RFC4: variants seen among roughly 807,000 people sequenced by gnomAD.
RFC4 encodes A1 37 kDa subunit.
RFC4 carries 38 observed loss-of-function variants against 47.6 expected under a neutral mutation model. The observed-to-expected ratio is 0.80, with a 90% confidence interval of 0.62 to 1.05. RFC4 has a LOEUF of 1.05. Ranked by LOEUF, RFC4 falls within the 50% of genes least tolerant of loss-of-function variation. The pLI, the probability that RFC4 is intolerant of heterozygous loss-of-function variation, is 0.00. For missense variants in RFC4, 489 were observed against 434.0 expected (o/e 1.13, Z -1.13); for synonymous variants, 164 against 150.0 (o/e 1.09, Z -0.68).
intron 8 of RFC4, among the ~76,000 whole-genome samples, chr3:186,790,720 G>C (rs761482549): frequency 3.9e-5 from 6 of 152,202 alleles, no homozygotes; most frequent in Non-Finnish European, 5.9e-5. Context: ...CGATTCCTCA[G>C]AACAGTGGCC....
chr3:186,797,258 A>C (rs997750797), intron 4 of RFC4, among the ~76,000 whole-genome samples: 9 of 152,228 alleles, frequency 5.9e-5, no homozygotes, highest in Non-Finnish European at 1.0e-4. Flanking sequence ...TCTGGACTCC[A>C]AAGTTATAAT....
At chr3:186,790,464 CTGCCAACTGGCCCCCG>C in intron 8 of RFC4, 58 bp from the exon 9 acceptor site, 1 of 1,214,954 alleles carries the variant, frequency 8.2e-7, no homozygotes, top group South Asian at 1.2e-5. Context: ...GACATACACT[CTGCCAACTGGCCCCCG>C]TGCCCCCAGT....
At chr3:186,797,991 A>G (rs1248286548) in intron 3 of RFC4, among the ~76,000 whole-genome samples, 1 of 152,222 alleles carries the variant, frequency 6.6e-6, no homozygotes, top group South Asian at 2.1e-4. Context: ...TATATTACAC[A>G]AAATGTCAGC....
chr3:186,804,504 TAAAAAA>T, intron 2 of RFC4, 73 bp downstream of exon 2: 1 of 1,192,382 alleles, frequency 8.4e-7, no homozygotes, highest in Non-Finnish European at 1.2e-6. Context: ...CTCCATAAGT[TAAAAAA>T]AAAAAAAAGT....
intron 3 of RFC4, 66 bp from the exon 4 acceptor site, chr3:186,797,680 GA>G: frequency 4.4e-6 from 5 of 1,126,456 alleles, no homozygotes; most frequent in South Asian, 4.0e-5. Context: ...AAGGAAGATC[GA>G]AAAAAATGTC....
intron 3 of RFC4, among the ~76,000 whole-genome samples, chr3:186,799,252 A>T (rs1722303692): frequency 6.6e-6 from 1 of 152,242 alleles, no homozygotes. Flanking sequence ...CAGTTCTTAA[A>T]ATCAATTTCT....
intron 7 of RFC4, among the ~76,000 whole-genome samples, 160 bp downstream of exon 7, chr3:186,792,330 G>GT (rs1722158415): frequency 1.3e-5 from 2 of 152,292 alleles, no homozygotes; most frequent in South Asian, 4.1e-4. Context: ...GCTAAACCTT[G>GT]TAATTCCTAC....
chr3:186,803,653 G>A (rs151030698), intron 2 of RFC4, among the ~76,000 whole-genome samples: 1,550 of 150,192 alleles, frequency 0.01, 24 homozygotes, highest in East Asian at 0.072. Context: ...ACAGGTGCCC[G>A]CCAACATGCC....
At position 186,796,649 on chromosome 3, in the gene RFC4, T is replaced by G. The variant is rs893670964; in HGVS notation, c.290+886A>C. Among the ~76,000 whole-genome samples, 5 of 152,112 alleles carry G rather than the reference T, an allele frequency of 3.3e-5. No homozygotes were observed. The highest frequency in any genetic ancestry group is 7.4e-5 in the Non-Finnish European group (5 of 68,000). On this transcript the variant is annotated intron_variant, in intron 4 of 10. Coordinates refer to ENST00000296273, the MANE Select transcript of RFC4 (RefSeq NM_002916.5). This position sits in a 1 kb window ranked among gnomAD's most constrained non-coding sequence, Gnocchi z 4.2. ...TGCATGCCACCATGCCTGGCAAATT[T>G]TTGTATTTTTAGTAGAGATGGGGTT... is the stretch of plus-strand genomic sequence containing the variant.
chr3:186,802,082 G>A (rs1183620744), intron 2 of RFC4, among the ~76,000 whole-genome samples: 1 of 151,338 alleles, frequency 6.6e-6, no homozygotes, highest in Non-Finnish European at 1.5e-5. Context: ...ATTATTATTG[G>A]CCGGATGCGG....
chr3:186,804,913 A>G (rs936518606), intron 1 of RFC4, 189 bp from the exon 2 acceptor site: 3 of 538,202 alleles, frequency 5.6e-6, no homozygotes, highest in African/African-American at 3.8e-5. Context: ...CTCTGAATGC[A>G]CTGTACTGAG....
intron 3 of RFC4, 87 bp from the exon 4 acceptor site, chr3:186,797,701 G>C (rs988128379): frequency 6.9e-6 from 6 of 870,890 alleles, no homozygotes; most frequent in African/African-American, 6.9e-5. Flanking sequence ...CTGTGGAATA[G>C]TGCAATGACT....
In RFC4 at chr3:186,790,084, A is replaced by G. The variant is rs1722035019; in HGVS notation, c.997-20T>C. 2 of 1,609,758 alleles carry G rather than the reference A, an allele frequency of 1.2e-6. No individual in the cohort carries two copies. The highest frequency in any genetic ancestry group is 1.7e-6 in the Non-Finnish European group (2 of 1,176,198). On this transcript the variant is annotated intron_variant, in intron 10 of 10. Coordinates refer to ENST00000296273, the MANE Select transcript of RFC4 (RefSeq NM_002916.5). ...AACTTCCTACGAGAAAAATTTAAGAAATTAGCATCCTTCAGGTAGTTAAAT... is the reference window on the plus strand; with the variant it reads ...AACTTCCTACGAGAAAAATTTAAGAGATTAGCATCCTTCAGGTAGTTAAAT...
chr3:186,799,833 A>T (rs1722316164), intron 3 of RFC4, among the ~76,000 whole-genome samples: 1 of 152,264 alleles, frequency 6.6e-6, no homozygotes, highest in Non-Finnish European at 1.5e-5. Flanking sequence ...TGCAACTGCA[A>T]TTAAAATGGT....
In RFC4 at chr3:186,796,755, C is replaced by T. The variant is rs1056492844; in HGVS notation, c.290+780G>A. Among the ~76,000 whole-genome samples the T allele has an allele frequency of 2.0e-4, 30 of 152,234 alleles. No homozygotes were observed. Among genetic ancestry groups the T allele is most frequent in the African/African-American group, 7.2e-4 (30 of 41,466 alleles). ...TCGGCCTCCCAAAGTGCTGGGATTA[C>T]AGATGTGAGCCACCACACCCAGCCT... On this transcript the variant is annotated intron_variant, in intron 4 of 10. Transcript: ENST00000296273. The surrounding 1 kb of genome is among the most constrained non-coding windows in gnomAD (Gnocchi z 4.2).
At chr3:186,791,914 A>G in intron 7 of RFC4, 64 bp from the exon 8 acceptor site, 1 of 1,397,442 alleles carries the variant, frequency 7.2e-7, no homozygotes, top group South Asian at 1.3e-5. Context: ...CTTTAATTTT[A>G]AAATGTTTAA....
rs1722179594 is a variant in RFC4, at chr3:186,793,223, T to C, written c.411-276A>G. ...ATTAGTCTACTTTCATCTCTATAGA[T>C]TTGCCTATTCTGGACATGATATGAA... is the stretch of plus-strand genomic sequence containing the variant. On this transcript the variant is annotated intron_variant, in intron 5 of 10. Coordinates refer to ENST00000296273, the MANE Select transcript of RFC4 (RefSeq NM_002916.5). The surrounding 1 kb of genome is among the most constrained non-coding windows in gnomAD (Gnocchi z 4.2). 1.3e-5 allele frequency among the ~76,000 whole-genome samples: 2 copies of C among 152,240 alleles called. No homozygotes were observed. The highest frequency in any genetic ancestry group is 2.9e-5 in the Non-Finnish European group (2 of 68,050).
chr3:186,801,675 C>A (rs1183163197), intron 2 of RFC4, among the ~76,000 whole-genome samples: 1 of 139,956 alleles, frequency 7.1e-6, no homozygotes, highest in Non-Finnish European at 1.5e-5. Flanking sequence ...CGCACCACTG[C>A]ACTCCAGCCT....
chr3:186,790,567 G>A (rs201601715), intron 8 of RFC4, among the ~76,000 whole-genome samples, 161 bp from the exon 9 acceptor site: 1 of 152,190 alleles, frequency 6.6e-6, no homozygotes, highest in Non-Finnish European at 1.5e-5. Context: ...AGTAACTCCA[G>A]TCACCACTAA....
Sources: allele counts gnomAD v4.1 joint callset (sites outside exome capture counted in the v4.1 genomes callset), GRCh38; gene constraint gnomAD v4.1.1; non-coding constraint Gnocchi (gnomAD v3.1); transcripts MANE v1.5; gene names NCBI Gene and HGNC (gene_info 2026-07-23, HGNC 2026-07-21).